PAX7: variants seen among roughly 807,000 people sequenced by gnomAD.
The protein encoded by PAX7 is paired box 7.
Under a neutral mutation model 50.7 loss-of-function variants are expected in PAX7, and 18 were observed. The ratio of observed to expected loss-of-function variants is 0.36; its 90% CI spans 0.25 to 0.53. PAX7 has a LOEUF of 0.53. PAX7 is among the 20% of genes least tolerant of loss of function. The pLI, the probability that PAX7 is intolerant of heterozygous loss-of-function variation, is 0.93. For missense variants in PAX7, 644 were observed against 702.9 expected (o/e 0.92, Z 0.95); for synonymous variants, 310 against 290.4 (o/e 1.07, Z -0.69).
intron 7 of PAX7, among the ~76,000 whole-genome samples, chr1:18,728,719 G>C (rs2356440): frequency 0.06 from 8,885 of 146,950 alleles, 322 homozygotes; most frequent in South Asian, 0.14. Context: ...AAAAAAATTA[G>C]CCGGGCTTGG....
intron 4 of PAX7, among the ~76,000 whole-genome samples, chr1:18,637,883 GC>G (rs1322024027): frequency 3.9e-5 from 6 of 152,366 alleles, no homozygotes; most frequent in South Asian, 2.1e-4. Context: ...TGCCCGGCCT[GC>G]CGAGGGGCCA....
rs368509701 is a variant in PAX7 at position 18,742,318 on chromosome 1, C to T, written c.1403-2496C>T. Among the ~76,000 whole-genome samples, 10 of 152,098 alleles carry T rather than the reference C, an allele frequency of 6.6e-5. No homozygotes were observed. The East Asian group carries it at 1.7e-3, about 27-fold the overall frequency. ...GACTACTGGCATGCGCCACCACGTC[C>T]GGCTAATTTTTGTATTTTTAGTAGA... On this transcript the variant is annotated intron_variant, in intron 8 of 8. Transcript: ENST00000420770.
At chr1:18,731,152 G>C (rs929726413) in intron 7 of PAX7, among the ~76,000 whole-genome samples, 4 of 152,214 alleles carry the variant, frequency 2.6e-5, no homozygotes, top group Non-Finnish European at 5.9e-5. Flanking sequence ...ATTCTTGAGA[G>C]GGGTGGATTA....
chr1:18,711,713 G>T (rs763849870), intron 7 of PAX7, among the ~76,000 whole-genome samples: 1 of 152,268 alleles, frequency 6.6e-6, no homozygotes, highest in African/African-American at 2.4e-5. Context: ...TTAGGGGAAA[G>T]CTAACTGAGT....
rs905786174 is a variant in PAX7 at position 18,630,914 on chromosome 1, C to T, written c.-690C>T. ...CGCTTTTCCATTTCTCTTTCCCCAA[C>T]CCCGTCACCCCCTGTCTCCTCCGTC... On this transcript the variant is annotated 5_prime_UTR_variant, in exon 1 of 9. Coordinates refer to ENST00000420770, the MANE Select transcript of PAX7 (RefSeq NM_001135254.2). The T allele has an allele frequency of 5.1e-5, 10 of 194,714 alleles. No individual in the cohort carries two copies. The highest frequency in any genetic ancestry group is 1.1e-4 in the Non-Finnish European group (10 of 93,484). The allele number at this position is 194,714 out of a possible 1,614,324, so 12.1% of individuals were successfully genotyped here. A position where few individuals can be genotyped will look rare whatever the true frequency, so the allele number is the denominator to read the frequency against.
chr1:18,692,248 A>G (rs2089082658), intron 5 of PAX7, among the ~76,000 whole-genome samples: 1 of 152,164 alleles, frequency 6.6e-6, no homozygotes, highest in Admixed American at 6.5e-5. Flanking sequence ...AAGGAATGAA[A>G]GAAGGGAGGG....
chr1:18,639,609 G>A (rs1231242830), intron 4 of PAX7, among the ~76,000 whole-genome samples: 1 of 152,152 alleles, frequency 6.6e-6, no homozygotes, highest in East Asian at 1.9e-4. Flanking sequence ...GACCCAACAG[G>A]GAGGGGATTT....
chr1:18,654,201 C>T (rs549779828), intron 4 of PAX7, among the ~76,000 whole-genome samples: 2 of 152,006 alleles, frequency 1.3e-5, no homozygotes, highest in East Asian at 1.9e-4. Context: ...AGCCCTCCCC[C>T]CACCCGCCAG....
At chr1:18,661,306 A>C (rs1384852141) in intron 4 of PAX7, among the ~76,000 whole-genome samples, 4 of 152,120 alleles carry the variant, frequency 2.6e-5, no homozygotes, top group Non-Finnish European at 5.9e-5. Context: ...ATGAGGTGGA[A>C]ATGAATTCGT....
rs1030727434 is a variant in PAX7, at chr1:18,726,946, G to A, written c.1156-8686G>A. Among the ~76,000 whole-genome samples, 1 of 152,166 alleles carries A rather than the reference G, an allele frequency of 6.6e-6. No homozygotes were observed. The highest frequency in any genetic ancestry group is 1.5e-5 in the Non-Finnish European group (1 of 68,040). On this transcript the variant is annotated intron_variant, in intron 7 of 8. Transcript: ENST00000420770. The surrounding 1 kb of genome is among the most constrained non-coding windows in gnomAD (Gnocchi z 4.8). ...CACCACGTATCCTCTGAGCTTCCAA[G>A]GTCCCCGAGCTTCAGCCTGTACTCT...
At chr1:18,728,946 A>G (rs2089613081) in intron 7 of PAX7, among the ~76,000 whole-genome samples, 1 of 151,880 alleles carries the variant, frequency 6.6e-6, no homozygotes, top group Admixed American at 6.6e-5. Flanking sequence ...CCAGTGATGG[A>G]GCAGACAGAC....
intron 7 of PAX7, among the ~76,000 whole-genome samples, chr1:18,710,032 C>T (rs925711608): frequency 1.3e-5 from 2 of 152,242 alleles, no homozygotes; most frequent in African/African-American, 4.8e-5. Flanking sequence ...GTACTGCCCT[C>T]CTGGCATTGT....
intron 7 of PAX7, among the ~76,000 whole-genome samples, chr1:18,733,614 T>C (rs1178928509): frequency 6.6e-6 from 1 of 152,126 alleles, no homozygotes; most frequent in Non-Finnish European, 1.5e-5. Flanking sequence ...CCCCCAGGGC[T>C]GAGGGCATGG....
intron 4 of PAX7, among the ~76,000 whole-genome samples, chr1:18,650,575 C>T (rs1191176335): frequency 6.6e-6 from 1 of 152,228 alleles, no homozygotes; most frequent in Non-Finnish European, 1.5e-5. Flanking sequence ...CACCTGGGTA[C>T]TTTCTTGATT....
intron 6 of PAX7, 127 bp from the exon 7 acceptor site, chr1:18,702,967 G>C: frequency 1.2e-6 from 1 of 830,974 alleles, no homozygotes; most frequent in South Asian, 1.7e-5. Context: ...TAGCATGAGA[G>C]GGTGGTCCCT....
At chr1:18,716,686 A>G (rs947837098) in intron 7 of PAX7, among the ~76,000 whole-genome samples, 1 of 144,468 alleles carries the variant, frequency 6.9e-6, no homozygotes, top group African/African-American at 2.6e-5. Context: ...CACCCACTCC[A>G]TTCTCTCAAA....
intron 4 of PAX7, among the ~76,000 whole-genome samples, chr1:18,650,964 G>T (rs528272366): frequency 6.6e-6 from 1 of 152,218 alleles, no homozygotes; most frequent in African/African-American, 2.4e-5. Flanking sequence ...GCCATGGATG[G>T]TCTCCCAGAC....
intron 7 of PAX7, among the ~76,000 whole-genome samples, chr1:18,704,445 A>G (rs757741979): frequency 6.6e-6 from 1 of 152,118 alleles, no homozygotes; most frequent in Admixed American, 6.5e-5. Flanking sequence ...GTACGGTGAA[A>G]CTTTGTCTCT....
intron 8 of PAX7, among the ~76,000 whole-genome samples, chr1:18,743,670 T>C (rs925395437): frequency 6.6e-6 from 1 of 152,208 alleles, no homozygotes. Flanking sequence ...GCCAAATCAT[T>C]TGGTCAGGGC....
Sources: gnomAD v4.1 joint callset for allele counts (sites outside exome capture counted in the v4.1 genomes callset) on GRCh38, gnomAD v4.1.1 for gene constraint, Gnocchi (gnomAD v3.1) non-coding constraint, MANE v1.5 for transcripts, NCBI Gene and HGNC (gene_info 2026-07-23, HGNC 2026-07-21) for gene names.